PCSK2: variants seen among roughly 807,000 people sequenced by gnomAD.
PCSK2 encodes proprotein convertase subtilisin/kexin type 2, also known as neuroendocrine convertase 2.
Under a neutral mutation model 69.7 loss-of-function variants are expected in PCSK2, and 14 were observed. The ratio of observed to expected loss-of-function variants is 0.20; its 90% CI spans 0.13 to 0.31. PCSK2 has a LOEUF of 0.31. Among genes scored for constraint, PCSK2 ranks in the 10% least tolerant of loss-of-function variants. The pLI, the probability that PCSK2 is intolerant of heterozygous loss-of-function variation, is 1.00. For missense variants in PCSK2, 544 were observed against 842.5 expected (o/e 0.65, Z 4.39); for synonymous variants, 307 against 320.7 (o/e 0.96, Z 0.46).
intron 2 of PCSK2, among the ~76,000 whole-genome samples, chr20:17,333,967 A>T (rs1379808916): frequency 7.1e-6 from 1 of 140,162 alleles, no homozygotes; most frequent in Non-Finnish European, 1.5e-5. Flanking sequence ...GTGTATTCAT[A>T]GTATGTTCAC....
chr20:17,302,703 G>A (rs1231090746), intron 2 of PCSK2, among the ~76,000 whole-genome samples: 1 of 152,148 alleles, frequency 6.6e-6, no homozygotes, highest in African/African-American at 2.4e-5. Context: ...CCAGGATCCA[G>A]GCCGTGCTGT....
At chr20:17,372,413 A>AAATG (rs2030796789) in intron 5 of PCSK2, among the ~76,000 whole-genome samples, 2 of 150,154 alleles carry the variant, frequency 1.3e-5, no homozygotes, top group South Asian at 4.2e-4. Context: ...ATAAATAAAT[A>AAATG]AATAAATAAA....
At chr20:17,439,875 C>G (rs1410999532) in intron 8 of PCSK2, among the ~76,000 whole-genome samples, 1 of 152,200 alleles carries the variant, frequency 6.6e-6, no homozygotes, top group Non-Finnish European at 1.5e-5. Flanking sequence ...CCTTCCAGGT[C>G]TTTGTGACAT....
intron 2 of PCSK2, among the ~76,000 whole-genome samples, chr20:17,271,039 C>T (rs575830566): frequency 6.3e-5 from 7 of 111,688 alleles, no homozygotes; most frequent in East Asian, 4.1e-4. Context: ...ATCAAAGCCA[C>T]GACTAAAACC....
At chr20:17,267,341 G>C (rs909648024) in intron 2 of PCSK2, among the ~76,000 whole-genome samples, 2 of 152,222 alleles carry the variant, frequency 1.3e-5, no homozygotes, top group Non-Finnish European at 2.9e-5. Context: ...TGCAAGTTGA[G>C]AGTTACTTGA....
rs149794789 is a variant in PCSK2 at position 17,318,086 on chromosome 20, C to T, written c.283-40241C>T. Among the ~76,000 whole-genome samples the T allele has an allele frequency of 5.3e-5, 8 of 152,306 alleles. No homozygotes were observed. The East Asian group carries it at 5.8e-4, about 11-fold the overall frequency. On this transcript the variant is annotated intron_variant, in intron 2 of 11. Transcript: ENST00000262545. Reference sequence around the variant, plus strand: ...GGGCTTTGGATGCTACTTAGTTGCACGACTGGATGTGTTCTAAGATCTGCC... The same window carrying T: ...GGGCTTTGGATGCTACTTAGTTGCATGACTGGATGTGTTCTAAGATCTGCC...
At chr20:17,274,279 A>G (rs1987973530) in intron 2 of PCSK2, among the ~76,000 whole-genome samples, 1 of 152,122 alleles carries the variant, frequency 6.6e-6, no homozygotes, top group Non-Finnish European at 1.5e-5. Flanking sequence ...AGGGTGGGAT[A>G]CACCCCGGGA....
chr20:17,477,939 T>G (rs2123421992), intron 11 of PCSK2, among the ~76,000 whole-genome samples: 1 of 152,342 alleles, frequency 6.6e-6, no homozygotes, highest in Non-Finnish European at 1.5e-5. Flanking sequence ...TTGTATACTT[T>G]TAATCTATAC....
At chr20:17,388,129 A>G (rs988817389) in intron 5 of PCSK2, among the ~76,000 whole-genome samples, 1 of 152,174 alleles carries the variant, frequency 6.6e-6, no homozygotes, top group Non-Finnish European at 1.5e-5. Flanking sequence ...TGCTGGGGGA[A>G]AGAAGTATAT....
chr20:17,375,043 T>C (rs1600530749), intron 5 of PCSK2, among the ~76,000 whole-genome samples: 2 of 152,190 alleles, frequency 1.3e-5, no homozygotes, highest in East Asian at 3.8e-4. Flanking sequence ...TTTTCATCCG[T>C]GAAATGGGCA....
intron 5 of PCSK2, among the ~76,000 whole-genome samples, chr20:17,376,003 G>A (rs778847561): frequency 6.6e-6 from 1 of 152,148 alleles, no homozygotes; most frequent in Non-Finnish European, 1.5e-5. Flanking sequence ...TGCCAGTTTG[G>A]AGCCTAGGCC....
intron 1 of PCSK2, among the ~76,000 whole-genome samples, chr20:17,235,468 G>A (rs533320153): frequency 3.9e-5 from 6 of 152,112 alleles, no homozygotes; most frequent in Middle Eastern, 3.4e-3. Flanking sequence ...TGTATCAAAG[G>A]CAAAAGAGTC....
chr20:17,308,481 G>A (rs1315984852), intron 2 of PCSK2, among the ~76,000 whole-genome samples: 1 of 152,342 alleles, frequency 6.6e-6, no homozygotes, highest in African/African-American at 2.4e-5. Context: ...CCAGGCGGAA[G>A]TGCAAAGGTC....
intron 2 of PCSK2, among the ~76,000 whole-genome samples, chr20:17,297,695 T>C (rs1988943408): frequency 6.6e-6 from 1 of 152,228 alleles, no homozygotes. Context: ...TGAATGTCCT[T>C]CCTTATCAAT....
At chr20:17,431,491 T>G (rs2032366882) in intron 7 of PCSK2, among the ~76,000 whole-genome samples, 1 of 152,168 alleles carries the variant, frequency 6.6e-6, no homozygotes, top group Non-Finnish European at 1.5e-5. Context: ...TGGGCTTCTG[T>G]GAAGCCCAAT....
intron 2 of PCSK2, among the ~76,000 whole-genome samples, chr20:17,266,642 C>A (rs1332357722): frequency 1.3e-5 from 2 of 152,280 alleles, no homozygotes; most frequent in East Asian, 3.9e-4. Flanking sequence ...CCAGAGACTT[C>A]TTGGAGAGCA....
intron 11 of PCSK2, among the ~76,000 whole-genome samples, chr20:17,473,188 C>T (rs916278333): frequency 1.3e-5 from 2 of 149,576 alleles, no homozygotes; most frequent in Admixed American, 6.6e-5. Context: ...CCGCCTCCCG[C>T]GTTCAAGCGA....
chr20:17,257,932 GT>G (rs1218775949), intron 1 of PCSK2, among the ~76,000 whole-genome samples: 6 of 152,266 alleles, frequency 3.9e-5, no homozygotes, highest in African/African-American at 1.4e-4. Context: ...ATTTGCCCCA[GT>G]TCATATTGCT....
intron 2 of PCSK2, among the ~76,000 whole-genome samples, chr20:17,271,405 T>A (rs898598937): frequency 6.6e-6 from 1 of 152,074 alleles, no homozygotes; most frequent in African/African-American, 2.4e-5. Context: ...AAAAATAATG[T>A]TTGAAAACCT....
Sources: allele counts gnomAD v4.1 joint callset (sites outside exome capture counted in the v4.1 genomes callset), GRCh38; gene constraint gnomAD v4.1.1; transcripts MANE v1.5; gene names NCBI Gene and HGNC (gene_info 2026-07-23, HGNC 2026-07-21).